The following TENM1 variants were observed in gnomAD, a reference collection of about 807,000 sequenced individuals.
TENM1 encodes the protein teneurin transmembrane protein 1.
In TENM1, 35 loss-of-function variants were observed where a neutral mutation model predicts 174.8. That is an observed-to-expected ratio of 0.20 (90% CI 0.15 to 0.27). The LOEUF (loss-of-function observed/expected upper bound fraction) is 0.27. Ranked by LOEUF, TENM1 falls within the 10% of genes least tolerant of loss-of-function variation. The pLI is 1.00. For missense variants in TENM1, 1,633 were observed against 2,130.1 expected (o/e 0.77, Z 4.59); for synonymous variants, 781 against 798.7 (o/e 0.98, Z 0.37).
intron 3 of TENM1, among the ~76,000 whole-genome samples, chrX:124,791,009 CTTG>C (rs1369044039): frequency 2.7e-5 from 3 of 111,359 alleles, no homozygotes; most frequent in African/African-American, 9.8e-5. Flanking sequence ...AGCCTGAGCC[CTTG>C]TTGTAAAATT....
chrX:124,815,152 T>C (rs1330699931), intron 3 of TENM1, among the ~76,000 whole-genome samples: 1 of 111,780 alleles, frequency 8.9e-6, no homozygotes, highest in Non-Finnish European at 1.9e-5. Flanking sequence ...GCTGGTAGGC[T>C]ACTGCATCAA....
intron 3 of TENM1, among the ~76,000 whole-genome samples, chrX:124,838,697 T>G (rs2056438658): frequency 9.0e-6 from 1 of 110,919 alleles, no homozygotes; most frequent in Non-Finnish European, 1.9e-5. Context: ...TGAAAGAAAA[T>G]AATAACTCTG....
At chrX:124,698,821 C>T (rs1390952936) in intron 5 of TENM1, among the ~76,000 whole-genome samples, 2 of 111,493 alleles carry the variant, frequency 1.8e-5, no homozygotes, top group East Asian at 5.6e-4. Context: ...TGCTTTTCAA[C>T]CTTTCTGTGA....
Position 124,466,103 on chromosome X carries a change from A to T in TENM1, c.3950-12612T>A, listed in dbSNP as rs139266186. Among the ~76,000 whole-genome samples the T allele has an allele frequency of 8.2e-3, 919 of 111,853 alleles. 12 individuals are homozygous for T. Among genetic ancestry groups the T allele is most frequent in the African/African-American group, 0.027 (835 of 30,773 alleles). On this transcript the variant is annotated intron_variant, in intron 22 of 31. Transcript: ENST00000422452. ...AAATATATTTAAAGTATTAATTAAT[A>T]TAATGGCATCTCTGGATTCCTGTCG...
intron 3 of TENM1, among the ~76,000 whole-genome samples, chrX:124,839,124 T>A (rs1298289513): frequency 1.8e-5 from 2 of 112,081 alleles, no homozygotes; most frequent in Non-Finnish European, 3.8e-5. Flanking sequence ...ATTATCTAGA[T>A]CTGCCTTTAT....
intron 4 of TENM1, among the ~76,000 whole-genome samples, chrX:124,731,444 T>G (rs1263555753): frequency 9.0e-6 from 1 of 111,600 alleles, no homozygotes; most frequent in Non-Finnish European, 1.9e-5. Flanking sequence ...TATCCCAGAG[T>G]GGTCAGAGGT....
At chrX:124,714,676 A>G (rs1470682033) in intron 4 of TENM1, among the ~76,000 whole-genome samples, 1 of 111,568 alleles carries the variant, frequency 9.0e-6, no homozygotes, top group East Asian at 2.8e-4. Flanking sequence ...ATGTCAATTA[A>G]TATAAACATA....
chrX:124,693,681 A>C (rs917056907), intron 5 of TENM1, among the ~76,000 whole-genome samples: 14 of 110,432 alleles, frequency 1.3e-4, no homozygotes, highest in African/African-American at 4.6e-4. Flanking sequence ...CATATCTTCA[A>C]ATGTTTGTTT....
At chrX:124,895,144 G>C (rs1227007036) in intron 2 of TENM1, among the ~76,000 whole-genome samples, 1 of 111,136 alleles carries the variant, frequency 9.0e-6, no homozygotes, top group Admixed American at 9.7e-5. Flanking sequence ...TGCAGGTACA[G>C]GGCAGCTGGC....
intron 1 of TENM1, among the ~76,000 whole-genome samples, chrX:124,941,309 G>A (rs994659516): frequency 2.7e-5 from 3 of 111,455 alleles, no homozygotes; most frequent in Non-Finnish European, 5.7e-5. Flanking sequence ...TTTCATATAC[G>A]ATACTGTTCC....
the TENM1 span, among the ~76,000 whole-genome samples, chrX:125,012,544 C>T: frequency 9.0e-6 from 1 of 111,626 alleles, no homozygotes; most frequent in Admixed American, 9.6e-5. Flanking sequence ...TTTAATCAAA[C>T]CACCATACCC....
At chrX:124,990,178 A>AT in the TENM1 span, among the ~76,000 whole-genome samples, 130 of 108,874 alleles carry the variant, frequency 1.2e-3, 1 homozygote, top group African/African-American at 3.4e-3. Flanking sequence ...ACAAAGTGAG[A>AT]TTTTTTTTTT....
intron 3 of TENM1, among the ~76,000 whole-genome samples, chrX:124,876,555 A>C (rs2057206334): frequency 8.9e-6 from 1 of 111,807 alleles, no homozygotes; most frequent in African/African-American, 3.2e-5. Flanking sequence ...TTCCAAAAAA[A>C]TCTTTAAAAG....
intron 3 of TENM1, among the ~76,000 whole-genome samples, chrX:124,758,809 T>C (rs2054332737): frequency 8.9e-6 from 1 of 112,006 alleles, no homozygotes; most frequent in Admixed American, 9.5e-5. Context: ...ATACCACTTA[T>C]ATGAGGAATC....
At chrX:124,991,887 C>T in the TENM1 span, among the ~76,000 whole-genome samples, 1 of 111,195 alleles carries the variant, frequency 9.0e-6, no homozygotes, top group African/African-American at 3.3e-5. Flanking sequence ...AGTATTTCAC[C>T]ATTGTTCCTT....
intron 5 of TENM1, among the ~76,000 whole-genome samples, chrX:124,685,451 A>G (rs752218660): frequency 1.8e-5 from 2 of 112,087 alleles, no homozygotes; most frequent in South Asian, 3.7e-4. Flanking sequence ...AGCAAAAGAA[A>G]GAATCAACGA....
intron 1 of TENM1, among the ~76,000 whole-genome samples, chrX:124,941,919 A>AAG (rs1177655289): frequency 8.9e-6 from 1 of 111,747 alleles, no homozygotes; most frequent in Non-Finnish European, 1.9e-5. Flanking sequence ...CAGCAGGCAA[A>AAG]AGAGAATGAG....
intron 11 of TENM1, among the ~76,000 whole-genome samples, chrX:124,579,035 C>A (rs1344684441): frequency 1.8e-5 from 2 of 112,008 alleles, no homozygotes; most frequent in Non-Finnish European, 3.8e-5. Context: ...TGGTCAGCCT[C>A]TCAGATCATT....
At chrX:124,647,641 A>T (rs1458584165) in intron 8 of TENM1, among the ~76,000 whole-genome samples, 1 of 111,880 alleles carries the variant, frequency 8.9e-6, no homozygotes, top group Non-Finnish European at 1.9e-5. Flanking sequence ...TTTGTATTTT[A>T]AAATTGTGTT....
Sources: gnomAD v4.1 joint callset for allele counts (sites outside exome capture counted in the v4.1 genomes callset) on GRCh38, gnomAD v4.1.1 for gene constraint, MANE v1.5 for transcripts, NCBI Gene and HGNC (gene_info 2026-07-23, HGNC 2026-07-21) for gene names.